Variants in SACS observed in about 807,000 individuals in gnomAD.
SACS encodes sacsin molecular chaperone.
A neutral mutation model predicts 348.0 loss-of-function variants in SACS; 197 were observed. That is an observed-to-expected ratio of 0.57 (90% confidence interval 0.50 to 0.64). SACS has a LOEUF of 0.64. Ranked by LOEUF, SACS falls within the 30% of genes least tolerant of loss-of-function variation. The probability of loss-of-function intolerance (pLI) is 0.00; values close to 1 mark genes in which losing one functional copy is unlikely to be tolerated. For synonymous variants in SACS, 1,985 were observed against 1,910.6 expected (o/e 1.04, Z -1.02); for missense variants, 4,999 against 5,360.8 (o/e 0.93, Z 2.11).
chr13:23,409,039 A>ATTTTTTTTT (rs1474798713), intron 2 of SACS, among the ~76,000 whole-genome samples: 3 of 66,814 alleles, frequency 4.5e-5, no homozygotes, highest in African/African-American at 1.2e-4. Context: ...AACAAGTTTT[A>ATTTTTTTTT]CTTTTTTTTT....
chr13:23,368,943 C>T (rs1330163015), intron 4 of SACS, among the ~76,000 whole-genome samples: 5 of 152,198 alleles, frequency 3.3e-5, no homozygotes, highest in African/African-American at 4.8e-5. Context: ...TCGTGATCCG[C>T]CCACCTTGGC....
chr13:23,378,651 G>A (rs772021535), intron 2 of SACS, among the ~76,000 whole-genome samples: 2 of 152,064 alleles, frequency 1.3e-5, no homozygotes, highest in Non-Finnish European at 2.9e-5. Flanking sequence ...ATGTTGGCCA[G>A]GCTGGTCTTG....
At chr13:23,433,317 C>T (rs1874512881) in intron 1 of SACS, among the ~76,000 whole-genome samples, 1 of 152,138 alleles carries the variant, frequency 6.6e-6, no homozygotes, top group African/African-American at 2.4e-5. Context: ...CTCTAGTCAC[C>T]CTGCAGCCGC....
intron 5 of SACS, among the ~76,000 whole-genome samples, chr13:23,367,671 T>G (rs1336921812): frequency 1.3e-5 from 2 of 152,206 alleles, no homozygotes; most frequent in Admixed American, 1.3e-4. Flanking sequence ...CTCGGCTCAC[T>G]GCAATCTCTG....
At chr13:23,395,304 C>T (rs1872671279) in intron 2 of SACS, among the ~76,000 whole-genome samples, 1 of 152,186 alleles carries the variant, frequency 6.6e-6, no homozygotes, top group Admixed American at 6.5e-5. Flanking sequence ...CTGTATGCTC[C>T]ACCACTAGGG....
At position 23,331,989 on chromosome 13, in the gene SACS, T is replaced by C. The variant is rs375613914; in HGVS notation, c.11887A>G (p.Met3963Val). The C allele has an allele frequency of 3.9e-5, 63 of 1,613,978 alleles. No homozygotes were observed. Among genetic ancestry groups the C allele is most frequent in the Non-Finnish European group, 4.9e-5 (58 of 1,179,972 alleles). Reference protein sequence around the residue: ...KDHGFHTKLIMLFPQKLRPRL... With the variant: ...KDHGFHTKLIVLFPQKLRPRL... The stretch of plus-strand genomic sequence containing the variant: ...GGTCTAAGTTTTTGAGGAAAGAGCA[T>C]TATCAACTTAGTGTGAAATCCATGG... The change falls in exon 10 of 10, where the codon ATG (methionine) becomes GTG (valine). Residue 3963 changes from methionine to valine, a missense_variant. Met to Val is a conservative substitution (Grantham distance 21). This residue lies in a region of SACS where 831 missense variants were observed against 941.8 expected (regional missense o/e 0.88). Transcript: ENST00000382292.
intron 2 of SACS, among the ~76,000 whole-genome samples, chr13:23,394,161 A>C (rs2137906157): frequency 6.6e-6 from 1 of 152,328 alleles, no homozygotes; most frequent in East Asian, 1.9e-4. Context: ...CCTGATCTCC[A>C]GGGAGAGGTG....
At chr13:23,412,454 T>C (rs2137966324) in intron 1 of SACS, among the ~76,000 whole-genome samples, 1 of 142,336 alleles carries the variant, frequency 7.0e-6, no homozygotes, top group Admixed American at 7.4e-5. Context: ...CCCTCTATTG[T>C]CCAGGCTGGA....
At chr13:23,379,330 G>C (rs1223520405) in intron 2 of SACS, among the ~76,000 whole-genome samples, 2 of 152,206 alleles carry the variant, frequency 1.3e-5, no homozygotes, top group Non-Finnish European at 2.9e-5. Flanking sequence ...CCAGGCACTG[G>C]TGTCCCGACA....
At chr13:23,419,039 G>C in intron 1 of SACS, 1 of 152,398 alleles carries the variant, frequency 6.6e-6, no homozygotes, top group South Asian at 2.1e-4. Context: ...ATCTGGGGCA[G>C]GTGCAGGACT....
chr13:23,392,690 G>A (rs944303973), intron 2 of SACS, among the ~76,000 whole-genome samples: 1 of 152,200 alleles, frequency 6.6e-6, no homozygotes, highest in African/African-American at 2.4e-5. Flanking sequence ...AGGATGTCTG[G>A]CTTAAAAGTT....
At chr13:23,412,138 A>G (rs1291242387) in intron 1 of SACS, among the ~76,000 whole-genome samples, 4 of 152,116 alleles carry the variant, frequency 2.6e-5, no homozygotes, top group Admixed American at 6.5e-5. Flanking sequence ...GGGCGCCTGT[A>G]GTCCCAGCTA....
chr13:23,337,738 T>C lies in SACS; in HGVS notation c.6138A>G (p.Leu2046=). 1.2e-6 allele frequency: 2 copies of C among 1,613,842 alleles called. No homozygotes were observed. The highest frequency in any genetic ancestry group is 1.1e-5 in the South Asian group (1 of 91,046). The change falls in exon 10 of 10, where the codon CTA becomes CTG. Residue 2046 remains leucine, a synonymous_variant. Transcript: ENST00000382292. ...GTTTCTCTGAAAATGTGTTTTCAAG[T>C]AGTATCTGTTTGCAGCCAGCTTCTT... The part of the protein sequence containing the change: ...GFEEAGCKQI[L]LENTFSEKQF...
At chr13:23,398,840 C>A (rs1872822257) in intron 2 of SACS, among the ~76,000 whole-genome samples, 1 of 151,096 alleles carries the variant, frequency 6.6e-6, no homozygotes, top group Non-Finnish European at 1.5e-5. Context: ...TTGAGACCAC[C>A]CTGGCCAACA....
chr13:23,416,687 G>C (rs1360430001), intron 1 of SACS, among the ~76,000 whole-genome samples: 1 of 151,604 alleles, frequency 6.6e-6, no homozygotes. Context: ...AGCCCGGGAG[G>C]CAGAGGTTGC....
intron 2 of SACS, among the ~76,000 whole-genome samples, chr13:23,388,401 G>A (rs1055339807): frequency 8.8e-6 from 1 of 113,128 alleles, no homozygotes; most frequent in African/African-American, 3.0e-5. Flanking sequence ...CCAATGAGTG[G>A]ATTTAAAAAA....
Position 23,337,615 on chromosome 13 carries a change from CTCA to C in SACS, c.6258_6260del (p.Asp2086del). The C allele has an allele frequency of 6.2e-7, 1 of 1,613,846 alleles. No homozygotes were observed. Among genetic ancestry groups the C allele is most frequent in the South Asian group, 1.1e-5 (1 of 91,062 alleles). ...GAGTAACACGAAGAACTCCCGAGAA[CTCA>C]TCAACTTTTTCATTTAGAACAAAGA... On this transcript the variant is annotated inframe_deletion, in exon 10 of 10. Coordinates refer to ENST00000382292, the MANE Select transcript of SACS (RefSeq NM_014363.6).
chr13:23,344,491 C>T (rs1869478178), intron 9 of SACS, among the ~76,000 whole-genome samples: 1 of 152,146 alleles, frequency 6.6e-6, no homozygotes. Flanking sequence ...TGTAGTAAGA[C>T]ACCGGTATAC....
Position 23,332,520 on chromosome 13 carries a change from C to A in SACS, c.11356G>T (p.Glu3786Ter). The A allele has an allele frequency of 6.2e-7, 1 of 1,613,982 alleles. No homozygotes were observed. The highest frequency in any genetic ancestry group is 8.5e-7 in the Non-Finnish European group (1 of 1,179,910). Residue 3786 changes from glutamate (E) to a stop codon, truncating the protein, a stop_gained, in exon 10 of 10, where the codon GAA becomes TAA. Coordinates refer to ENST00000382292, the MANE Select transcript of SACS (RefSeq NM_014363.6). LOFTEE classifies it high-confidence loss of function. ...ACCCCTCGCAACTGAAAACGAAATT[C>A]CCTTTTTTCTGCACTGAGGAATTCA... ...IYEFLSAEKREFRFQLRGVAF... is the reference protein window; with the variant it reads ...IYEFLSAEKR
Sources: allele counts gnomAD v4.1 joint callset (sites outside exome capture counted in the v4.1 genomes callset), GRCh38; gene constraint gnomAD v4.1.1; regional missense constraint gnomAD v4.1.1; transcripts MANE v1.5; gene names NCBI Gene and HGNC (gene_info 2026-07-23, HGNC 2026-07-21).